NR2C1: variants seen among roughly 807,000 people sequenced by gnomAD.
NR2C1 encodes the protein nuclear receptor subfamily 2 group C member 1, also known as TR2 nuclear hormone receptor.
A neutral mutation model predicts 74.8 loss-of-function variants in NR2C1; 33 were observed. The ratio of observed to expected loss-of-function variants is 0.44; its 90% CI spans 0.33 to 0.59. The LOEUF (loss-of-function observed/expected upper bound fraction) is 0.59. Among genes scored for constraint, NR2C1 ranks in the 20% least tolerant of loss-of-function variants. The probability of loss-of-function intolerance (pLI) is 0.02; values close to 1 mark genes in which losing one functional copy is unlikely to be tolerated. For missense variants in NR2C1, 568 were observed against 715.6 expected, an observed-to-expected ratio of 0.79 and a Z score of 2.35; for synonymous variants, 225 against 240.6, an observed-to-expected ratio of 0.94 and a Z score of 0.60.
At chr12:95,036,601 C>T (rs1330129353) in intron 10 of NR2C1, among the ~76,000 whole-genome samples, 1 of 151,632 alleles carries the variant, frequency 6.6e-6, no homozygotes, top group Non-Finnish European at 1.5e-5. Flanking sequence ...ACCTCCGTCT[C>T]CTGGATTCAA....
At chr12:95,049,365 C>T in intron 8 of NR2C1, 132 bp from the exon 9 acceptor site, 1 of 739,074 alleles carries the variant, frequency 1.4e-6, no homozygotes, top group Non-Finnish European at 2.1e-6. Context: ...AGTGATATGC[C>T]CGCCTCAGCC....
Position 95,049,526 on chromosome 12 carries a change from A to AG in NR2C1, c.966-294dup, listed in dbSNP as rs544260742. On this transcript the variant is annotated intron_variant, in intron 8 of 13. Coordinates refer to ENST00000333003, the MANE Select transcript of NR2C1 (RefSeq NM_003297.4). ...ATATATTTTATCGCTTGAGTCCAGGAGGGCAGGGCTGCAGTGAGCTATGAT... is the reference window on the plus strand; with the variant it reads ...ATATATTTTATCGCTTGAGTCCAGGAGGGGCAGGGCTGCAGTGAGCTATGAT... The AG allele has an allele frequency of 3.9e-5, 8 of 206,854 alleles. No homozygotes were observed. In the South Asian group the frequency reaches 9.1e-4, roughly 23 times the overall value. The allele number at this position is 206,854 out of a possible 1,614,324, so 12.8% of individuals were successfully genotyped here. A position where few individuals can be genotyped will look rare whatever the true frequency, so the allele number is the denominator to read the frequency against.
At chr12:95,037,678 G>A (rs1008122906) in intron 10 of NR2C1, among the ~76,000 whole-genome samples, 6 of 152,048 alleles carry the variant, frequency 3.9e-5, no homozygotes, top group African/African-American at 9.7e-5. Flanking sequence ...GGCGGATCAC[G>A]AGGTGAGGAG....
At chr12:95,031,041 A>G (rs1008676967) in intron 11 of NR2C1, among the ~76,000 whole-genome samples, 4 of 152,210 alleles carry the variant, frequency 2.6e-5, no homozygotes, top group Admixed American at 2.6e-4. Context: ...ATGTTTTAAA[A>G]TATTTGACCA....
intron 9 of NR2C1, among the ~76,000 whole-genome samples, chr12:95,048,568 C>A (rs910065661): frequency 6.6e-6 from 1 of 150,700 alleles, no homozygotes; most frequent in African/African-American, 2.4e-5. Flanking sequence ...TATTCAGTAT[C>A]TTGATAAACA....
rs34229669 is a variant in NR2C1, at chr12:95,043,689, C to CAAAAAAAAAAAAAAAAAA, written c.1132-3093_1132-3092insTTTTTTTTTTTTTTTTTT. Among the ~76,000 whole-genome samples, 55 of 94,204 alleles carry CAAAAAAAAAAAAAAAAAA rather than the reference C, an allele frequency of 5.8e-4. 1 individual carries two copies. The highest frequency in any genetic ancestry group is 0.011 in the Middle Eastern group (2 of 188). The allele number at this position is 94,204 out of a possible 152,430, so 61.8% of individuals were successfully genotyped here. A position where few individuals can be genotyped will look rare whatever the true frequency, so the allele number is the denominator to read the frequency against. ...TGGGAGACAGAGCAAGACTCTGTCT[C>CAAAAAAAAAAAAAAAAAA]AAAAAAAAAAAAAATCCTTTGCAAA... On this transcript the variant is annotated intron_variant, in intron 9 of 13. Coordinates refer to ENST00000333003, the MANE Select transcript of NR2C1 (RefSeq NM_003297.4).
chr12:95,060,304 T>C (rs1005433386), intron 3 of NR2C1, among the ~76,000 whole-genome samples: 2 of 152,168 alleles, frequency 1.3e-5, no homozygotes, highest in African/African-American at 4.8e-5. Context: ...CTTAAAAAGC[T>C]CATCACTAGG....
At chr12:95,058,195 T>G in intron 5 of NR2C1, 115 bp downstream of exon 5, 1 of 951,876 alleles carries the variant, frequency 1.1e-6, no homozygotes, top group Non-Finnish European at 1.5e-6. Flanking sequence ...ATATTTTTAG[T>G]TGGAAAACTG....
chr12:95,038,687 G>A (rs1020507581), intron 10 of NR2C1, among the ~76,000 whole-genome samples: 1 of 152,192 alleles, frequency 6.6e-6, no homozygotes, highest in Non-Finnish European at 1.5e-5. Context: ...GAAACTGAGA[G>A]GTGGAGATTG....
intron 1 of NR2C1, among the ~76,000 whole-genome samples, chr12:95,069,388 T>C (rs539042823): frequency 2.6e-5 from 4 of 152,324 alleles, no homozygotes; most frequent in South Asian, 2.1e-4. Flanking sequence ...TTTACACCCA[T>C]AACACTGTAT....
chr12:95,030,726 A>C, intron 11 of NR2C1: 1 of 1,603,460 alleles, frequency 6.2e-7, no homozygotes, highest in Non-Finnish European at 8.5e-7. Context: ...CCCAATTTAT[A>C]AATTATTCCT....
intron 10 of NR2C1, among the ~76,000 whole-genome samples, 185 bp downstream of exon 10, chr12:95,040,291 T>A (rs17269631): frequency 1.3e-5 from 2 of 152,222 alleles, no homozygotes; most frequent in Non-Finnish European, 2.9e-5. Context: ...ATGGATACTC[T>A]TCCACATAAA....
At chr12:95,056,964 A>C (rs1377324621) in intron 7 of NR2C1, among the ~76,000 whole-genome samples, 1 of 151,958 alleles carries the variant, frequency 6.6e-6, no homozygotes, top group Non-Finnish European at 1.5e-5. Flanking sequence ...ATCTCAAAAA[A>C]AAAAAAAAAA....
intron 11 of NR2C1, chr12:95,030,560 A>AAGATGGG: frequency 6.2e-7 from 1 of 1,612,906 alleles, no homozygotes. Flanking sequence ...GTCCATAAGT[A>AAGATGGG]AGATGGGAAT....
chr12:95,042,219 C>CTTT lies in NR2C1; in HGVS notation c.1132-1625_1132-1623dup, dbSNP rs1212588554. Among the ~76,000 whole-genome samples the CTTT allele has an allele frequency of 4.3e-4, 54 of 125,852 alleles. 1 individual carries two copies. In the South Asian group the frequency reaches 9.6e-3, roughly 22 times the overall value. 82.6% of individuals were successfully genotyped at this position (125,852 alleles called of 152,430 possible). ...GCTTTCATCAGATTCTCAAAGGTAT[C>CTTT]TTTTTTTTTTTTTTTTTTTTGAGAT... On this transcript the variant is annotated intron_variant, in intron 9 of 13. Coordinates refer to ENST00000333003, the MANE Select transcript of NR2C1 (RefSeq NM_003297.4).
rs1565866809 is a variant in NR2C1 at position 95,057,616 on chromosome 12, C to T, written c.720G>A (p.Met240Ile). Residue 240 changes from methionine (M) to isoleucine (I), a missense_variant, in exon 7 of 14, where the codon ATG (methionine) becomes ATA (isoleucine). By Grantham distance (10) the Met-to-Ile change is conservative (BLOSUM62 1). Transcript: ENST00000333003. ...TRSTGLLDSG[M>I]FMNIHPSGVK... is the part of the protein sequence containing the mutation. ...CTCCAGATGGATGAATATTCATGAA[C>T]ATTCCTGAATCTAACAGTCCTGTTG... 2 of 1,613,976 alleles carry T rather than the reference C, an allele frequency of 1.2e-6. No homozygotes were observed. The highest frequency in any genetic ancestry group is 1.7e-6 in the Non-Finnish European group (2 of 1,179,896).
chr12:95,067,230 G>A, intron 2 of NR2C1, 101 bp downstream of exon 2: 1 of 895,302 alleles, frequency 1.1e-6, no homozygotes, highest in East Asian at 2.4e-5. Flanking sequence ...CTTAAGTTAG[G>A]GAATATCTTT....
At chr12:95,031,242 TA>T (rs1417084531) in intron 11 of NR2C1, 106 bp downstream of exon 11, 24 of 942,002 alleles carry the variant, frequency 2.5e-5, no homozygotes, top group Non-Finnish European at 3.4e-5. Context: ...CATTGGTACC[TA>T]AAACACTAAT....
intron 8 of NR2C1, among the ~76,000 whole-genome samples, chr12:95,050,400 T>A (rs1872818316): frequency 6.6e-6 from 1 of 152,080 alleles, no homozygotes; most frequent in Admixed American, 6.6e-5. Context: ...CCTCCATCTC[T>A]GGGGTTCAAG....
Sources: gnomAD v4.1 joint callset for allele counts (sites outside exome capture counted in the v4.1 genomes callset) on GRCh38, gnomAD v4.1.1 for gene constraint, MANE v1.5 for transcripts, NCBI Gene and HGNC (gene_info 2026-07-23, HGNC 2026-07-21) for gene names.